Variants in TMEM260 observed in about 807,000 individuals in gnomAD.
The protein encoded by TMEM260 is transmembrane protein 260.
A neutral mutation model predicts 88.9 loss-of-function variants in TMEM260; 82 were observed. The observed-to-expected ratio is 0.92, with a 90% CI of 0.77 to 1.11. TMEM260 has a LOEUF of 1.11. Ranked by LOEUF, TMEM260 falls within the 50% of genes least tolerant of loss-of-function variation. TMEM260 has a pLI of 0.00. For synonymous variants in TMEM260, 314 were observed against 309.3 expected, an observed-to-expected ratio of 1.02 and a Z score of -0.16; for missense variants, 902 against 853.4, an observed-to-expected ratio of 1.06 and a Z score of -0.71.
At position 56,625,523 on chromosome 14, in the gene TMEM260, AATAAACAGTAAGCATTCTTTTTAT is replaced by A. The variant is rs747918127; in HGVS notation, c.1545_1547+21del. 1 of 1,588,424 alleles carries A rather than the reference AATAAACAGTAAGCATTCTTTTTAT, an allele frequency of 6.3e-7. No homozygotes were observed. The highest frequency in any genetic ancestry group is 1.7e-5 in the Admixed American group (1 of 58,172). On this transcript the variant is annotated splice_donor_variant and splice_donor_5th_base_variant and coding_sequence_variant and intron_variant, in exon 12 of 16. Transcript: ENST00000261556. LOFTEE classifies it high-confidence loss of function. ...TAATCTTTATCATTTTCTTGAAGTA[AATAAACAGTAAGCATTCTTTTTAT>A]ATAATAGCTTTTCTAAAATCTTAAG...
intron 2 of TMEM260, 92 bp from the exon 3 acceptor site, chr14:56,585,669 T>A: frequency 2.4e-6 from 3 of 1,247,116 alleles, no homozygotes; most frequent in Non-Finnish European, 3.4e-6. Context: ...TCTTTATAGC[T>A]GCTTGAGAAA....
chr14:56,642,217 A>AC (rs1460346906), intron 15 of TMEM260, among the ~76,000 whole-genome samples: 1 of 152,206 alleles, frequency 6.6e-6, no homozygotes, highest in Non-Finnish European at 1.5e-5. Flanking sequence ...TCTTCTCAGC[A>AC]CCGCATTGCA....
intron 3 of TMEM260, among the ~76,000 whole-genome samples, chr14:56,602,739 A>T (rs1886651628): frequency 3.2e-5 from 1 of 30,770 alleles, no homozygotes; most frequent in Admixed American, 3.5e-4. Flanking sequence ...TTTTAAGAGA[A>T]AGAAAACAAA....
In TMEM260 at chr14:56,628,242, T is replaced by C. The variant is rs367932636; in HGVS notation, c.1547+2712T>C. Among the ~76,000 whole-genome samples, 5 of 152,284 alleles carry C rather than the reference T, an allele frequency of 3.3e-5. No individual in the cohort carries two copies. In the East Asian group the frequency reaches 7.7e-4, roughly 23 times the overall value. ...ATAAACAGGTTTGTGTGTGAGTATG[T>C]TTTCTGCATAGGGTTGGGATTGAGT... On this transcript the variant is annotated intron_variant, in intron 12 of 15. Coordinates refer to ENST00000261556, the MANE Select transcript of TMEM260 (RefSeq NM_017799.4).
At chr14:56,585,276 G>C (rs1266347982) in intron 2 of TMEM260, among the ~76,000 whole-genome samples, 1 of 152,070 alleles carries the variant, frequency 6.6e-6, no homozygotes, top group Non-Finnish European at 1.5e-5. Context: ...TGTATAAGCT[G>C]TGGGGAATAA....
chr14:56,633,112 C>G lies in TMEM260; in HGVS notation c.1665C>G (p.Asn555Lys). 6.2e-7 allele frequency: 1 copy of G among 1,613,600 alleles called. No homozygotes were observed. The highest frequency in any genetic ancestry group is 8.5e-7 in the Non-Finnish European group (1 of 1,179,708). ...DKLVPLEIVF[N>K]PEEWIKLTKS... ...TAGTTCCTTTGGAGATTGTATTCAA[C>G]CCTGAGGAATGGATTAAACTTACAA... Residue 555 changes from asparagine (N) to lysine (K), a missense_variant, in exon 13 of 16, where the codon AAC (asparagine) becomes AAG (lysine). Transcript: ENST00000261556.
Position 56,585,004 on chromosome 14 carries a change from A to T in TMEM260, c.164A>T (p.Glu55Val), listed in dbSNP as rs746522992. ...GTTTTACATTATTTTTTCACAGGGG[A>T]ACTGATCACAGCCGCACATGAGCTT... is the stretch of plus-strand genomic sequence containing the variant. ...PPSVPGGDSG[E>V]LITAAHELGV... The change falls in exon 2 of 16, where the codon GAA becomes GTA. Residue 55 changes from glutamate (E) to valine (V), a missense_variant. Transcript: ENST00000261556. 2 of 1,611,638 alleles carry T rather than the reference A, an allele frequency of 1.2e-6. No individual in the cohort carries two copies. Among genetic ancestry groups the T allele is most frequent in the Non-Finnish European group, 1.7e-6 (2 of 1,178,794 alleles).
intron 15 of TMEM260, among the ~76,000 whole-genome samples, 164 bp from the exon 16 acceptor site, chr14:56,647,079 G>A (rs764891829): frequency 4.6e-5 from 7 of 151,960 alleles, no homozygotes; most frequent in Non-Finnish European, 8.8e-5. Context: ...AATAATTGCA[G>A]TAACATTCTT....
At chr14:56,658,025 G>A in the TMEM260 span, among the ~76,000 whole-genome samples, 14 of 152,130 alleles carry the variant, frequency 9.2e-5, no homozygotes, top group South Asian at 4.2e-4. Context: ...GAAAGGAGGC[G>A]AGAGGTAATA....
At chr14:56,628,865 C>CT (rs570363321) in intron 12 of TMEM260, among the ~76,000 whole-genome samples, 1 of 150,336 alleles carries the variant, frequency 6.7e-6, no homozygotes, top group South Asian at 2.1e-4. Context: ...CTACTATTAT[C>CT]TTTTTTTAGA....
intron 3 of TMEM260, among the ~76,000 whole-genome samples, chr14:56,595,977 A>G (rs535976359): frequency 2.7e-4 from 41 of 152,236 alleles, no homozygotes; most frequent in Admixed American, 7.2e-4. Flanking sequence ...TACAAACATC[A>G]TTTTATTTAA....
intron 15 of TMEM260, among the ~76,000 whole-genome samples, chr14:56,644,347 C>T (rs1889809764): frequency 6.6e-6 from 1 of 152,084 alleles, no homozygotes; most frequent in Non-Finnish European, 1.5e-5. Context: ...AGAAATAATG[C>T]CACATATCTA....
intron 7 of TMEM260, among the ~76,000 whole-genome samples, chr14:56,614,982 C>T (rs1440927601): frequency 6.6e-6 from 1 of 152,192 alleles, no homozygotes; most frequent in East Asian, 1.9e-4. Flanking sequence ...TGAATCTAAC[C>T]TTAGGCAGTG....
intron 3 of TMEM260, among the ~76,000 whole-genome samples, chr14:56,589,748 A>T (rs1885735857): frequency 6.6e-6 from 1 of 152,162 alleles, no homozygotes; most frequent in Non-Finnish European, 1.5e-5. Context: ...TATAACTTAT[A>T]TATTTTTAAA....
chr14:56,627,598 A>C (rs2139612576), intron 12 of TMEM260, among the ~76,000 whole-genome samples: 1 of 152,284 alleles, frequency 6.6e-6, no homozygotes, highest in East Asian at 1.9e-4. Flanking sequence ...AGATTCTCAG[A>C]AGTAAAATTA....
At chr14:56,593,693 T>TTC (rs1239463816) in intron 3 of TMEM260, among the ~76,000 whole-genome samples, 1 of 133,152 alleles carries the variant, frequency 7.5e-6, no homozygotes, top group African/African-American at 2.8e-5. Flanking sequence ...TTTTTTTTTT[T>TTC]TTTTTTTTTT....
intron 10 of TMEM260, among the ~76,000 whole-genome samples, chr14:56,619,974 A>G (rs892333657): frequency 7.9e-5 from 12 of 152,216 alleles, no homozygotes; most frequent in African/African-American, 2.7e-4. Context: ...GAATGAGATC[A>G]TGTCCTTTTT....
intron 15 of TMEM260, among the ~76,000 whole-genome samples, chr14:56,643,503 C>T (rs995328963): frequency 2.0e-4 from 31 of 151,946 alleles, no homozygotes; most frequent in African/African-American, 6.3e-4. Flanking sequence ...ATTGATGGGA[C>T]GTATTTCAAA....
intron 12 of TMEM260, among the ~76,000 whole-genome samples, chr14:56,628,600 A>G (rs1278731936): frequency 1.3e-5 from 2 of 151,908 alleles, no homozygotes; most frequent in African/African-American, 2.4e-5. Context: ...ATTGCATTGT[A>G]TTTGTACTTT....
Sources: allele counts gnomAD v4.1 joint callset (sites outside exome capture counted in the v4.1 genomes callset), GRCh38; gene constraint gnomAD v4.1.1; transcripts MANE v1.5; gene names NCBI Gene and HGNC (gene_info 2026-07-23, HGNC 2026-07-21).